PTCD1: variants seen among roughly 807,000 people sequenced by gnomAD.
PTCD1 encodes the protein pentatricopeptide repeat-containing protein 1, mitochondrial.
In PTCD1, 50 loss-of-function variants were observed where a neutral mutation model predicts 53.4. The observed-to-expected ratio is 0.94, with a 90% CI of 0.75 to 1.19. PTCD1 has a LOEUF of 1.19. Ranked by LOEUF, PTCD1 falls within the 50% of genes most tolerant of loss-of-function variation. PTCD1 has a pLI of 0.00. For synonymous variants in PTCD1, 413 were observed against 394.8 expected (o/e 1.05, Z -0.55); for missense variants, 918 against 904.8 (o/e 1.01, Z -0.19).
Position 99,419,498 on chromosome 7 carries a change from C to A in PTCD1, c.*469G>T, listed in dbSNP as rs1201168036. 39 of 1,595,968 alleles carry A rather than the reference C, an allele frequency of 2.4e-5. No homozygotes were observed. The highest frequency in any genetic ancestry group is 3.3e-5 in the Non-Finnish European group (39 of 1,171,008). On this transcript the variant is annotated 3_prime_UTR_variant, in exon 8 of 8. Coordinates refer to ENST00000292478, the MANE Select transcript of PTCD1 (RefSeq NM_015545.4). ...TCGCAGGTTCCTGCCTGTCACGCCA[C>A]CCCCTTCCTGGGAGCAGCGAGCAGT... is the stretch of plus-strand genomic sequence containing the variant.
At chr7:99,427,922 T>C (rs1796117664) in intron 5 of PTCD1, among the ~76,000 whole-genome samples, 1 of 150,276 alleles carries the variant, frequency 6.7e-6, no homozygotes, top group Admixed American at 6.6e-5. Context: ...TCCTTAAGAG[T>C]CATCACCACT....
In PTCD1 at chr7:99,419,705, GGT is replaced by G. The variant is rs1795713026; in HGVS notation, c.*260_*261del. 1.4e-6 allele frequency: 1 copy of G among 692,382 alleles called. No homozygotes were observed. Among genetic ancestry groups the G allele is most frequent in the Admixed American group, 2.9e-5 (1 of 34,642 alleles). The allele number at this position is 692,382 out of a possible 1,614,324, so 42.9% of individuals were successfully genotyped here. A position where few individuals can be genotyped will look rare whatever the true frequency, so the allele number is the denominator to read the frequency against. Reference sequence around the variant, plus strand: ...GGACCAGATGCCCCAGCCCCCTTGTGGTGTGTGAGGTGACACACAAAGGTAGC... The same window carrying G: ...GGACCAGATGCCCCAGCCCCCTTGTGGTGTGAGGTGACACACAAAGGTAGC... On this transcript the variant is annotated 3_prime_UTR_variant, in exon 8 of 8. Coordinates refer to ENST00000292478, the MANE Select transcript of PTCD1 (RefSeq NM_015545.4).
intron 1 of PTCD1, among the ~76,000 whole-genome samples, chr7:99,436,505 C>T (rs1377417861): frequency 6.6e-6 from 1 of 152,136 alleles, no homozygotes; most frequent in African/African-American, 2.4e-5. Flanking sequence ...ATCCCAGCTA[C>T]TTGGGAGGCT....
At chr7:99,429,511 G>C in intron 4 of PTCD1, 77 bp downstream of exon 4, 1 of 1,602,342 alleles carries the variant, frequency 6.2e-7, no homozygotes, top group East Asian at 2.2e-5. Flanking sequence ...CATGAGGAGA[G>C]ACAGACACCA....
chr7:99,422,073 G>A (rs2150946764), intron 7 of PTCD1, among the ~76,000 whole-genome samples: 1 of 152,158 alleles, frequency 6.6e-6, no homozygotes, highest in African/African-American at 2.4e-5. Context: ...CACAACATGT[G>A]ATCAACAAAA....
chr7:99,427,014 G>C (rs560415034), intron 5 of PTCD1, among the ~76,000 whole-genome samples: 3 of 151,632 alleles, frequency 2.0e-5, no homozygotes, highest in Non-Finnish European at 2.9e-5. Context: ...GAGCCCCTCC[G>C]CCCGGGAGTC....
At chr7:99,434,699 T>C in intron 2 of PTCD1, 91 bp downstream of exon 2, 2 of 1,557,672 alleles carry the variant, frequency 1.3e-6, no homozygotes, top group Non-Finnish European at 1.8e-6. Flanking sequence ...GCCCAAAACT[T>C]AGAGGCTGGG....
Position 99,429,323 on chromosome 7 carries a change from G to A in PTCD1, c.814-119C>T, listed in dbSNP as rs922166691. On this transcript the variant is annotated intron_variant, in intron 4 of 7. Coordinates refer to ENST00000292478, the MANE Select transcript of PTCD1 (RefSeq NM_015545.4). ...GCAGGATGATCACTTGAGGCCAGGA[G>A]TTTTGTGACCAGCCTGGGCAACATA... 5 of 1,342,262 alleles carry A rather than the reference G, an allele frequency of 3.7e-6. No homozygotes were observed. The East Asian group carries it at 9.4e-5, about 25-fold the overall frequency. The allele number at this position is 1,342,262 out of a possible 1,614,324, so 83.1% of individuals were successfully genotyped here.
In PTCD1 at chr7:99,420,020, C is replaced by T. The variant is rs374030308; in HGVS notation, c.2050G>A (p.Asp684Asn). ...TCAGCCTCCTTGCCGGTGTCCTGGT[C>T]CCCCTGGGGCTTGGTCCGGAACTTC... ...WQKFRTKPQGDQDTGKEADDG... is the reference protein window; with the variant it reads ...WQKFRTKPQGNQDTGKEADDG... The change falls in exon 8 of 8, where the codon GAC becomes AAC. Residue 684 changes from aspartate (D) to asparagine (N), a missense_variant. Physicochemically the swap from Asp to Asn is conservative, Grantham distance 23 (BLOSUM62 1). Transcript: ENST00000292478. 8 of 1,614,096 alleles carry T rather than the reference C, an allele frequency of 5.0e-6. No homozygotes were observed. In the African/African-American group the frequency reaches 6.7e-5, roughly 13 times the overall value.
At position 99,417,890 on chromosome 7, in the gene PTCD1, G is replaced by T; in HGVS notation, c.*2077C>A. 1 of 1,345,936 alleles carries T rather than the reference G, an allele frequency of 7.4e-7. No individual in the cohort carries two copies. Among genetic ancestry groups the T allele is most frequent in the Non-Finnish European group, 9.6e-7 (1 of 1,041,640 alleles). The allele number at this position is 1,345,936 out of a possible 1,614,324, so 83.4% of individuals were successfully genotyped here. On this transcript the variant is annotated 3_prime_UTR_variant, in exon 8 of 8. Transcript: ENST00000292478. The stretch of plus-strand genomic sequence containing the variant: ...GAGCCCTAATCCCAAGGTGGTGGCA[G>T]GGTGACATCAGGGAAGGACAACCAG...
In PTCD1 at chr7:99,425,375, C is replaced by T; in HGVS notation, c.1157G>A (p.Arg386Lys). ...SAMLHVEALE[R>K]QLFLEPSQAL... ...CTGAGAAGGTTCCAGAAACAGCTGCCTCTCCAGGGCCTCCACATGCAGCAT... is the reference window on the plus strand; with the variant it reads ...CTGAGAAGGTTCCAGAAACAGCTGCTTCTCCAGGGCCTCCACATGCAGCAT... The change falls in exon 6 of 8, where the codon AGG becomes AAG. Residue 386 changes from arginine to lysine, a missense_variant. Coordinates refer to ENST00000292478, the MANE Select transcript of PTCD1 (RefSeq NM_015545.4). 1 of 1,614,200 alleles carries T rather than the reference C, an allele frequency of 6.2e-7. No homozygotes were observed. Among genetic ancestry groups the T allele is most frequent in the Admixed American group, 1.7e-5 (1 of 60,028 alleles).
Position 99,423,893 on chromosome 7 carries a change from A to C in PTCD1, c.1802T>G (p.Leu601Arg), listed in dbSNP as rs1002154796. The C allele has an allele frequency of 6.2e-7, 1 of 1,614,150 alleles. No homozygotes were observed. The highest frequency in any genetic ancestry group is 8.5e-7 in the Non-Finnish European group (1 of 1,180,018). The part of the protein sequence containing the change: ...SALINAAIRK[L>R]NYTYLISILK... ...GATGCTGATGAGATAGGTGTAGTTC[A>C]GCTTCCTGATGGCCGCGTTGATGAG... The change falls in exon 7 of 8, where the codon CTG becomes CGG. Residue 601 changes from leucine (L) to arginine (R), a missense_variant. Coordinates refer to ENST00000292478, the MANE Select transcript of PTCD1 (RefSeq NM_015545.4).
In PTCD1 at chr7:99,438,781, A is replaced by G. The variant is rs1044791125; in HGVS notation, c.-116T>C. 10 of 1,372,888 alleles carry G rather than the reference A, an allele frequency of 7.3e-6. No homozygotes were observed. The highest frequency in any genetic ancestry group is 1.9e-4 in the Middle Eastern group (1 of 5,206). 85.0% of individuals were successfully genotyped at this position (1,372,888 alleles called of 1,614,324 possible). ...TCTTCCTCGGGTCCCCCTCTCCCCA[A>G]GCGCGCAGGCGCAATCCGCGTCGCC... On this transcript the variant is annotated 5_prime_UTR_variant, in exon 1 of 8. Transcript: ENST00000292478.
At chr7:99,423,006 T>G (rs112521362) in intron 7 of PTCD1, among the ~76,000 whole-genome samples, 2,082 of 151,826 alleles carry the variant, frequency 0.014, 43 homozygotes, top group African/African-American at 0.047. Flanking sequence ...TCTTCTCTTT[T>G]TTTTTTTTTC....
rs180801468 is a variant in PTCD1 at position 99,430,638 on chromosome 7, G to C, written c.595-832C>G. ...ACTTTGAGGATGATGTAAGCTCTGC[G>C]TGTATTGCTGCACTCCACAGAGGTG... On this transcript the variant is annotated intron_variant, in intron 3 of 7. Transcript: ENST00000292478. Among the ~76,000 whole-genome samples the C allele has an allele frequency of 5.3e-5, 8 of 152,322 alleles. No homozygotes were observed. In the East Asian group the frequency reaches 1.5e-3, roughly 29 times the overall value.
rs776346050 is a variant in PTCD1 at position 99,431,727 on chromosome 7, C to T, written c.594+1551G>A. Among the ~76,000 whole-genome samples the T allele has an allele frequency of 6.6e-5, 10 of 151,836 alleles. No individual in the cohort carries two copies. The East Asian group carries it at 1.6e-3, about 24-fold the overall frequency. ...CTGCACTCCAGCCTGGGCGACAGAG[C>T]GAGACTCTGTCTCCAAAAAAAAAGG... On this transcript the variant is annotated intron_variant, in intron 3 of 7. Transcript: ENST00000292478.
intron 3 of PTCD1, chr7:99,433,051 A>T: frequency 4.8e-6 from 3 of 619,870 alleles, no homozygotes; most frequent in Non-Finnish European, 8.3e-6. Context: ...TTTTTTTTTG[A>T]AGGGAAAAGA....
chr7:99,433,095 G>A, intron 3 of PTCD1, 183 bp downstream of exon 3: 3 of 899,676 alleles, frequency 3.3e-6, no homozygotes, highest in Non-Finnish European at 5.3e-6. Context: ...GTCCAGGCAG[G>A]TGCTAAAGGG....
At position 99,435,164 on chromosome 7, in the gene PTCD1, A is replaced by AG; in HGVS notation, c.78dup (p.Cys27LeufsTer2). ...CTGCCTCCTGCCCACCTGGCTCTAC[A>AG]GGGGTCCAGGTGTTGCAGGATGAAC... On this transcript the variant is annotated frameshift_variant, in exon 2 of 8. Transcript: ENST00000292478. LOFTEE classifies it high-confidence loss of function. 3 of 1,603,318 alleles carry AG rather than the reference A, an allele frequency of 1.9e-6. No homozygotes were observed. Among genetic ancestry groups the AG allele is most frequent in the Non-Finnish European group, 1.7e-6 (2 of 1,177,358 alleles).
Sources: allele counts gnomAD v4.1 joint callset (sites outside exome capture counted in the v4.1 genomes callset), GRCh38; gene constraint gnomAD v4.1.1; transcripts MANE v1.5; gene names NCBI Gene and HGNC (gene_info 2026-07-23, HGNC 2026-07-21).